RBL1: variants seen among roughly 807,000 people sequenced by gnomAD.
RBL1 encodes RB transcriptional corepressor like 1, also known as retinoblastoma-like protein 1.
RBL1 carries 82 observed loss-of-function variants against 123.0 expected under a neutral mutation model. The ratio of observed to expected loss-of-function variants is 0.67; its 90% confidence interval spans 0.56 to 0.80. RBL1 has a LOEUF of 0.80. RBL1 is among the 30% of genes least tolerant of loss of function. The pLI, the probability that RBL1 is intolerant of heterozygous loss-of-function variation, is 0.00. For missense variants in RBL1, 1,171 were observed against 1,299.6 expected (o/e 0.90, Z 1.52); for synonymous variants, 405 against 441.3 (o/e 0.92, Z 1.03).
chr20:37,019,560 T>A lies in RBL1; in HGVS notation c.2631+1099A>T, dbSNP rs542311021. 5.3e-5 allele frequency among the ~76,000 whole-genome samples: 8 copies of A among 152,308 alleles called. No individual in the cohort carries two copies. The South Asian group carries it at 1.7e-3, about 32-fold the overall frequency. ...GATATAACAAATACCTGTACTTGGT[T>A]CTTCAAATGTCTCTATATTGCTTGC... is the stretch of plus-strand genomic sequence containing the variant. On this transcript the variant is annotated intron_variant, in intron 18 of 21. Coordinates refer to ENST00000373664, the MANE Select transcript of RBL1 (RefSeq NM_002895.5).
At chr20:37,044,358 G>A (rs1380394128) in intron 12 of RBL1, 108 bp from the exon 13 acceptor site, 19 of 1,139,268 alleles carry the variant, frequency 1.7e-5, no homozygotes, top group Non-Finnish European at 2.0e-5. Context: ...TTTTTTTTGA[G>A]ACGGAGTTTC....
chr20:37,045,342 A>G (rs1024776951), intron 12 of RBL1, among the ~76,000 whole-genome samples: 1 of 151,970 alleles, frequency 6.6e-6, no homozygotes, highest in Non-Finnish European at 1.5e-5. Flanking sequence ...TCCTGACCTC[A>G]TGATCCGCCC....
chr20:37,094,376 T>C (rs899197016), intron 1 of RBL1, among the ~76,000 whole-genome samples: 2 of 152,200 alleles, frequency 1.3e-5, no homozygotes, highest in Non-Finnish European at 2.9e-5. Context: ...ATGTGGACCA[T>C]TGTCCTTTAC....
At chr20:37,006,852 AAAAG>A (rs2064081930) in intron 20 of RBL1, among the ~76,000 whole-genome samples, 1 of 151,500 alleles carries the variant, frequency 6.6e-6, no homozygotes, top group Non-Finnish European at 1.5e-5. Context: ...AAAAAAAAAA[AAAAG>A]AAAACAAAAA....
At chr20:37,043,335 C>T (rs1439650434) in intron 13 of RBL1, among the ~76,000 whole-genome samples, 2 of 151,258 alleles carry the variant, frequency 1.3e-5, no homozygotes, top group African/African-American at 4.9e-5. Context: ...AAAAAAAGTA[C>T]AAAAAAAATT....
At chr20:37,028,267 A>T (rs1011715223) in intron 16 of RBL1, among the ~76,000 whole-genome samples, 10 of 152,166 alleles carry the variant, frequency 6.6e-5, no homozygotes, top group African/African-American at 2.4e-4. Flanking sequence ...TGGGAGGGTG[A>T]GGCAGGTGAA....
chr20:37,088,179 C>T (rs1431180162), intron 2 of RBL1, among the ~76,000 whole-genome samples: 1 of 151,476 alleles, frequency 6.6e-6, no homozygotes, highest in African/African-American at 2.4e-5. Flanking sequence ...GCAGGAGAAT[C>T]GCTTGAACCC....
intron 15 of RBL1, among the ~76,000 whole-genome samples, chr20:37,035,036 G>A (rs1347136945): frequency 2.0e-5 from 3 of 151,990 alleles, no homozygotes; most frequent in African/African-American, 4.8e-5. Flanking sequence ...GGTTGGGGAA[G>A]GGGGACTATG....
At chr20:37,032,446 T>C (rs1213061286) in intron 16 of RBL1, among the ~76,000 whole-genome samples, 1 of 152,070 alleles carries the variant, frequency 6.6e-6, no homozygotes, top group Non-Finnish European at 1.5e-5. Context: ...AATTTCAGAA[T>C]GGGAAGACGA....
chr20:37,044,845 T>G (rs1389300856), intron 12 of RBL1, among the ~76,000 whole-genome samples: 3 of 152,186 alleles, frequency 2.0e-5, no homozygotes, highest in Non-Finnish European at 4.4e-5. Context: ...GTGGGAGAAG[T>G]CAGGTCTTGG....
chr20:37,065,017 A>G (rs540486048), intron 7 of RBL1, among the ~76,000 whole-genome samples: 1 of 150,432 alleles, frequency 6.6e-6, no homozygotes, highest in South Asian at 2.1e-4. Context: ...CTGCAACCAC[A>G]ACCTCCCAGA....
intron 2 of RBL1, among the ~76,000 whole-genome samples, chr20:37,076,875 G>A (rs889264398): frequency 6.6e-6 from 1 of 151,782 alleles, no homozygotes; most frequent in Non-Finnish European, 1.5e-5. Flanking sequence ...CTTGCAAGGA[G>A]AGCATAAGAA....
chr20:37,014,271 C>T (rs537623151), intron 19 of RBL1, among the ~76,000 whole-genome samples: 1 of 152,078 alleles, frequency 6.6e-6, no homozygotes, highest in African/African-American at 2.4e-5. Context: ...TAGCAATAGG[C>T]TGTCACTATG....
intron 20 of RBL1, among the ~76,000 whole-genome samples, chr20:37,004,680 A>T (rs189185075): frequency 7.2e-6 from 1 of 138,734 alleles, no homozygotes; most frequent in African/African-American, 2.8e-5. Flanking sequence ...GTGCCACTGC[A>T]CTCCATCCTG....
chr20:37,014,482 G>T (rs1366867612), intron 19 of RBL1, among the ~76,000 whole-genome samples: 1 of 152,036 alleles, frequency 6.6e-6, no homozygotes, highest in East Asian at 1.9e-4. Context: ...TTGCTTACTT[G>T]CTAATAAATA....
chr20:37,075,883 A>G (rs374687230), intron 2 of RBL1, among the ~76,000 whole-genome samples: 41 of 152,372 alleles, frequency 2.7e-4, no homozygotes, highest in East Asian at 2.3e-3. Context: ...AATACAGGCA[A>G]AAATACAAAG....
chr20:36,999,431 T>TCCTCTC (rs1211092391), intron 21 of RBL1, among the ~76,000 whole-genome samples: 3 of 149,238 alleles, frequency 2.0e-5, no homozygotes, highest in Admixed American at 6.6e-5. Flanking sequence ...CCCGTCTCCC[T>TCCTCTC]CCTCTCCCTC....
intron 2 of RBL1, among the ~76,000 whole-genome samples, chr20:37,068,756 C>T (rs147041931): frequency 5.3e-5 from 8 of 152,160 alleles, no homozygotes; most frequent in African/African-American, 1.7e-4. Context: ...TTTGAGATCA[C>T]CTGAGATCGG....
chr20:37,092,164 G>C (rs1032048102), intron 1 of RBL1, among the ~76,000 whole-genome samples: 7 of 152,030 alleles, frequency 4.6e-5, no homozygotes, highest in African/African-American at 1.7e-4. Flanking sequence ...AAGTGCCTGA[G>C]GCCCTTTTTT....
Sources: allele counts gnomAD v4.1 joint callset (sites outside exome capture counted in the v4.1 genomes callset), GRCh38; gene constraint gnomAD v4.1.1; transcripts MANE v1.5; gene names NCBI Gene and HGNC (gene_info 2026-07-23, HGNC 2026-07-21).